The following GRK3 variants were observed in gnomAD, a reference collection of about 807,000 sequenced individuals.
GRK3 encodes the protein adrenergic, beta, receptor kinase 2.
GRK3 carries 54 observed loss-of-function variants against 95.7 expected under a neutral mutation model. That is an observed-to-expected ratio of 0.56 (90% CI 0.45 to 0.71). GRK3 has a LOEUF of 0.71. GRK3 is among the 30% of genes least tolerant of loss of function. GRK3 has a pLI of 0.00. For missense variants in GRK3, 649 were observed against 851.2 expected, an observed-to-expected ratio of 0.76 and a Z score of 2.96; for synonymous variants, 281 against 290.8, an observed-to-expected ratio of 0.97 and a Z score of 0.34.
At chr22:25,607,825 C>T (rs1313595920) in intron 2 of GRK3, among the ~76,000 whole-genome samples, 2 of 151,880 alleles carry the variant, frequency 1.3e-5, no homozygotes, top group African/African-American at 4.8e-5. Flanking sequence ...AAGTGATCTG[C>T]CCACCTCAGC....
At chr22:25,584,256 G>A (rs1932210638) in intron 1 of GRK3, among the ~76,000 whole-genome samples, 1 of 152,214 alleles carries the variant, frequency 6.6e-6, no homozygotes, top group African/African-American at 2.4e-5. Context: ...AATGTTACAT[G>A]GAAAATTCCA....
At chr22:25,610,399 C>A (rs112392543) in intron 2 of GRK3, among the ~76,000 whole-genome samples, 5 of 152,120 alleles carry the variant, frequency 3.3e-5, no homozygotes, top group Admixed American at 1.3e-4. Flanking sequence ...CCTTGGATTT[C>A]GAGGCCTTAG....
intron 9 of GRK3, among the ~76,000 whole-genome samples, chr22:25,681,129 C>T (rs548430178): frequency 1.1e-4 from 17 of 152,282 alleles, no homozygotes; most frequent in African/African-American, 3.8e-4. Context: ...TTCATCCAGT[C>T]AGTCATTTAA....
intron 1 of GRK3, among the ~76,000 whole-genome samples, chr22:25,570,944 T>C (rs544868002): frequency 2.4e-4 from 37 of 152,326 alleles, no homozygotes; most frequent in African/African-American, 8.9e-4. Context: ...TTGAATACTT[T>C]CTATGTAGGA....
intron 1 of GRK3, among the ~76,000 whole-genome samples, chr22:25,579,198 C>A (rs902307248): frequency 2.6e-4 from 39 of 151,844 alleles, no homozygotes; most frequent in African/African-American, 8.7e-4. Context: ...GCTCTGTCAC[C>A]CAGGCTGGAG....
In GRK3 at chr22:25,704,076, G is replaced by A. The variant is rs200989264; in HGVS notation, c.1228-33G>A. ...AGTGTTAGGATGCTGTTTCATGAAC[G>A]GATTTTTGAAATCTTACTCGTCTTT... On this transcript the variant is annotated intron_variant, in intron 14 of 20. Transcript: ENST00000324198. 4.0e-3 allele frequency: 6,138 copies of A among 1,532,638 alleles called. 23 individuals are homozygous for A. Among genetic ancestry groups the A allele is most frequent in the Non-Finnish European group, 4.8e-3 (5,318 of 1,108,430 alleles). The allele number at this position is 1,532,638 out of a possible 1,614,324, so 94.9% of individuals were successfully genotyped here. A position where few individuals can be genotyped will look rare whatever the true frequency, so the allele number is the denominator to read the frequency against.
In GRK3 at chr22:25,624,871, G is replaced by A. The variant is rs971419394; in HGVS notation, c.191-19721G>A. On this transcript the variant is annotated intron_variant, in intron 2 of 20. Coordinates refer to ENST00000324198, the MANE Select transcript of GRK3 (RefSeq NM_005160.4). ...TTTTAACTGCCATTAGTATCAAACTGTTATTTGCAGCATTTAATATAAAGA... is the reference window on the plus strand; with the variant it reads ...TTTTAACTGCCATTAGTATCAAACTATTATTTGCAGCATTTAATATAAAGA... Among the ~76,000 whole-genome samples, 68 of 150,482 alleles carry A rather than the reference G, an allele frequency of 4.5e-4. 2 individuals are homozygous for A.
chr22:25,678,676 T>C (rs1272580044), intron 8 of GRK3, 140 bp from the exon 9 acceptor site: 1 of 441,414 alleles, frequency 2.3e-6, no homozygotes, highest in Non-Finnish European at 4.1e-6. Flanking sequence ...AAAATACTTC[T>C]TGCATGGCGC....
intron 9 of GRK3, among the ~76,000 whole-genome samples, chr22:25,681,366 G>A (rs374557727): frequency 6.6e-6 from 1 of 152,166 alleles, no homozygotes; most frequent in Non-Finnish European, 1.5e-5. Flanking sequence ...AAGGCCTTTC[G>A]CAGGGTGGAG....
At chr22:25,637,850 T>C (rs934019988) in intron 2 of GRK3, among the ~76,000 whole-genome samples, 6 of 152,190 alleles carry the variant, frequency 3.9e-5, no homozygotes, top group African/African-American at 1.4e-4. Context: ...AGATCCAGGA[T>C]AGCTGATGGT....
At chr22:25,676,091 A>G (rs1262586178) in intron 8 of GRK3, among the ~76,000 whole-genome samples, 1 of 152,206 alleles carries the variant, frequency 6.6e-6, no homozygotes, top group Non-Finnish European at 1.5e-5. Flanking sequence ...AGGCTTTCGG[A>G]AGGCTGCTTG....
At chr22:25,707,963 C>T (rs889504549) in intron 15 of GRK3, among the ~76,000 whole-genome samples, 2 of 152,032 alleles carry the variant, frequency 1.3e-5, no homozygotes, top group Admixed American at 6.6e-5. Context: ...CCCGGCCAGG[C>T]GCAGTGGCTC....
In GRK3 at chr22:25,718,251, C is replaced by A. The variant is rs1406397497; in HGVS notation, c.1661C>A (p.Ala554Asp). Residue 554 changes from alanine (A) to aspartate (D), a missense_variant, in exon 19 of 21, where the codon GCT becomes GAT. Physicochemically the swap from Ala to Asp is moderately radical, Grantham distance 126. This residue lies in a region of GRK3 where 382 missense variants were observed against 493.8 expected (regional missense o/e 0.77). Coordinates refer to ENST00000324198, the MANE Select transcript of GRK3 (RefSeq NM_005160.4). ...NKQLGHEEDY[A>D]LGKDCIMHGY... The stretch of plus-strand genomic sequence containing the variant: ...GTGATTTTGTATTCCTCAGATTACG[C>A]TCTGGGGAAGGACTGTATTATGCAC... The A allele has an allele frequency of 6.2e-7, 1 of 1,613,508 alleles. No homozygotes were observed. The highest frequency in any genetic ancestry group is 8.5e-7 in the Non-Finnish European group (1 of 1,179,694).
rs1360594092 is a variant in GRK3 at position 25,704,030 on chromosome 22, AAT to A, written c.1228-77_1228-76del. 3.0e-6 allele frequency: 3 copies of A among 1,000,646 alleles called. No homozygotes were observed. In the African/African-American group the frequency reaches 4.8e-5, roughly 16 times the overall value. 62.0% of individuals were successfully genotyped at this position (1,000,646 alleles called of 1,614,324 possible). A position where few individuals can be genotyped will look rare whatever the true frequency, so the allele number is the denominator to read the frequency against. On this transcript the variant is annotated intron_variant, in intron 14 of 20. Transcript: ENST00000324198. Reference sequence around the variant, plus strand: ...TTTTTAATACTATGCTTATCCCAGTAATAGTCTTTAAGTCTGGTTGAGTGTTA... The same window carrying A: ...TTTTTAATACTATGCTTATCCCAGTAAGTCTTTAAGTCTGGTTGAGTGTTA...
chr22:25,709,934 T>C lies in GRK3; in HGVS notation c.1365T>C (p.Gly455=). The C allele has an allele frequency of 6.2e-7, 1 of 1,614,010 alleles. No individual in the cohort carries two copies. Residue 455 remains glycine (G), a synonymous_variant, in exon 16 of 21, where the codon GGT becomes GGC. Transcript: ENST00000324198. ...TAAAAGAGCACAGCTTTTTCAAAGG[T>C]GTTGACTGGCAGCATGTCTACTTAC... is the stretch of plus-strand genomic sequence containing the variant. ...QEVKEHSFFK[G]VDWQHVYLQK...
intron 8 of GRK3, 23 bp from the exon 9 acceptor site, chr22:25,678,793 T>A (rs745771303): frequency 1.4e-6 from 2 of 1,411,932 alleles, no homozygotes; most frequent in Non-Finnish European, 2.0e-6. Flanking sequence ...GGCATAGATT[T>A]TTCAATAAAT....
At chr22:25,575,789 A>G (rs1168052371) in intron 1 of GRK3, among the ~76,000 whole-genome samples, 1 of 152,242 alleles carries the variant, frequency 6.6e-6, no homozygotes, top group Non-Finnish European at 1.5e-5. Context: ...TGAGAGGTAT[A>G]TTTTATCTGT....
chr22:25,692,056 C>T (rs1172054640), intron 12 of GRK3, among the ~76,000 whole-genome samples: 4 of 152,136 alleles, frequency 2.6e-5, no homozygotes, highest in African/African-American at 7.2e-5. Flanking sequence ...CTCCCCCTCC[C>T]GGGCCCAAGT....
chr22:25,621,301 A>G (rs2084584262), intron 2 of GRK3, among the ~76,000 whole-genome samples: 1 of 152,224 alleles, frequency 6.6e-6, no homozygotes, highest in African/African-American at 2.4e-5. Context: ...TATTTTCCCA[A>G]ACAAAGAAAC....
Sources: allele counts gnomAD v4.1 joint callset (sites outside exome capture counted in the v4.1 genomes callset), GRCh38; gene constraint gnomAD v4.1.1; regional missense constraint gnomAD v4.1.1; transcripts MANE v1.5; gene names NCBI Gene and HGNC (gene_info 2026-07-23, HGNC 2026-07-21).